Variants in GNB1L observed in about 807,000 individuals in gnomAD.
GNB1L encodes the protein G protein subunit beta 1 like, also known as guanine nucleotide-binding protein subunit beta-like protein 1.
In GNB1L, 20 loss-of-function variants were observed where a neutral mutation model predicts 29.1. The ratio of observed to expected loss-of-function variants is 0.69; its 90% CI spans 0.48 to 1.00. GNB1L has a LOEUF of 1.00. Among genes scored for constraint, GNB1L ranks in the 50% least tolerant of loss-of-function variants. The probability of loss-of-function intolerance (pLI) is 0.00; values close to 1 mark genes in which losing one functional copy is unlikely to be tolerated. For synonymous variants in GNB1L, 193 were observed against 206.5 expected, an observed-to-expected ratio of 0.93 and a Z score of 0.56; for missense variants, 421 against 464.9, an observed-to-expected ratio of 0.91 and a Z score of 0.87.
chr22:19,790,600 C>T (rs1435532602), intron 7 of GNB1L, among the ~76,000 whole-genome samples: 1 of 152,104 alleles, frequency 6.6e-6, no homozygotes, highest in East Asian at 1.9e-4. Flanking sequence ...TTGCTTGAGG[C>T]TGGGAGTTTG....
chr22:19,791,640 T>C (rs910289331), intron 7 of GNB1L, among the ~76,000 whole-genome samples: 3 of 152,142 alleles, frequency 2.0e-5, no homozygotes, highest in Non-Finnish European at 4.4e-5. Flanking sequence ...ATGAGTCTTG[T>C]GTGAGGGCTG....
rs139741010 is a variant in GNB1L at position 19,799,749 on chromosome 22, C to A, written c.732+2252G>T. 3.1e-4 allele frequency among the ~76,000 whole-genome samples: 47 copies of A among 152,328 alleles called. 2 individuals are homozygous for A. In the East Asian group the frequency reaches 8.9e-3, roughly 29 times the overall value. On this transcript the variant is annotated intron_variant, in intron 7 of 7. Transcript: ENST00000329517. The stretch of plus-strand genomic sequence containing the variant: ...TGAGGACACCTGTGGGTGCTGAGGA[C>A]CTTCGGTCACCTTGCTTGCTCCCGG...
In GNB1L at chr22:19,796,368, C is replaced by T. The variant is rs544260212; in HGVS notation, c.732+5633G>A. Among the ~76,000 whole-genome samples, 288 of 152,326 alleles carry T rather than the reference C, an allele frequency of 1.9e-3. 1 individual carries two copies. The highest frequency in any genetic ancestry group is 6.3e-3 in the African/African-American group (263 of 41,578). ...AAAGGGCTAAGAATCAGTGGACACA[C>T]GGGCCTGGCGCCCACGTGTGCAGCG... On this transcript the variant is annotated intron_variant, in intron 7 of 7. Coordinates refer to ENST00000329517, the MANE Select transcript of GNB1L (RefSeq NM_053004.3).
intron 2 of GNB1L, among the ~76,000 whole-genome samples, chr22:19,832,952 A>G (rs1937704527): frequency 1.3e-5 from 2 of 152,242 alleles, no homozygotes; most frequent in African/African-American, 4.8e-5. Context: ...CCAAAGCAGC[A>G]TGTCAAAAGC....
rs573607206 is a variant in GNB1L, at chr22:19,788,960, C to T, written c.733G>A (p.Val245Met). 1.1e-4 allele frequency: 183 copies of T among 1,598,118 alleles called. No homozygotes were observed. The South Asian group carries it at 1.6e-3, about 14-fold the overall frequency. Reference protein sequence around the residue: ...WSLDWQQALQVRGTHELTNPG... With the variant: ...WSLDWQQALQMRGTHELTNPG... ...TTGGTGAGTTCATGAGTCCCACGCA[C>T]CTGTGAGAGTTGGGAGAGGTGTTAG... The change falls in exon 8 of 8, where the codon GTG becomes ATG. Residue 245 changes from valine (V) to methionine (M), a missense_variant and splice_region_variant. Coordinates refer to ENST00000329517, the MANE Select transcript of GNB1L (RefSeq NM_053004.3).
At chr22:19,805,353 G>T (rs892636033) in intron 6 of GNB1L, among the ~76,000 whole-genome samples, 2 of 152,240 alleles carry the variant, frequency 1.3e-5, no homozygotes, top group African/African-American at 4.8e-5. Flanking sequence ...GGTGGGCCTT[G>T]CAGGGCATGC....
intron 2 of GNB1L, among the ~76,000 whole-genome samples, chr22:19,845,801 G>C (rs1220221688): frequency 6.6e-6 from 1 of 152,260 alleles, no homozygotes; most frequent in African/African-American, 2.4e-5. Context: ...TGTGAACACT[G>C]CTGGGGCTGG....
rs1937176362 is a variant in GNB1L at position 19,784,717 on chromosome 22, C to G, written c.*3992G>C. 6.6e-6 allele frequency: 1 copy of G among 152,268 alleles called. No individual in the cohort carries two copies. Among genetic ancestry groups the G allele is most frequent in the Non-Finnish European group, 1.5e-5 (1 of 68,072 alleles). The allele number at this position is 152,268 out of a possible 1,614,324, so 9.4% of individuals were successfully genotyped here. ...CCTCACCAGGCAGACGTGCCAGGAC[C>G]CGCGTCCCTGCACACAGCTGCCCAC... On this transcript the variant is annotated 3_prime_UTR_variant, in exon 8 of 8. Coordinates refer to ENST00000329517, the MANE Select transcript of GNB1L (RefSeq NM_053004.3).
intron 4 of GNB1L, among the ~76,000 whole-genome samples, chr22:19,815,388 G>T (rs143474344): frequency 6.6e-6 from 1 of 152,164 alleles, no homozygotes; most frequent in Non-Finnish European, 1.5e-5. Flanking sequence ...GCACAAAGAC[G>T]TGCACAGCCC....
At chr22:19,810,018 C>G (rs1937480822) in intron 5 of GNB1L, among the ~76,000 whole-genome samples, 1 of 152,216 alleles carries the variant, frequency 6.6e-6, no homozygotes, top group Non-Finnish European at 1.5e-5. Context: ...CTTTGGCCTC[C>G]TGAGTAGCTG....
Position 19,788,857 on chromosome 22 carries a change from A to G in GNB1L, c.836T>C (p.Val279Ala), listed in dbSNP as rs867982105. The G allele has an allele frequency of 1.1e-5, 17 of 1,612,854 alleles. No homozygotes were observed. The Middle Eastern group carries it at 2.7e-3, about 252-fold the overall frequency. ...ATAGWDHRIRVFHWRTMQPLA... is the reference protein window; with the variant it reads ...ATAGWDHRIRAFHWRTMQPLA... ...TGGCTGCATCGTCCGCCAGTGGAAC[A>G]CGCGGATGCGGTGGTCCCAGCCTGC... Residue 279 changes from valine to alanine, a missense_variant, in exon 8 of 8, where the codon GTG becomes GCG. Coordinates refer to ENST00000329517, the MANE Select transcript of GNB1L (RefSeq NM_053004.3).
At chr22:19,820,330 G>A (rs1404115433) in intron 4 of GNB1L, among the ~76,000 whole-genome samples, 1 of 152,216 alleles carries the variant, frequency 6.6e-6, no homozygotes, top group Non-Finnish European at 1.5e-5. Flanking sequence ...CAGCCCTGGA[G>A]CTCTGGCCTC....
chr22:19,792,774 G>A (rs375960357), intron 7 of GNB1L: 16 of 1,485,248 alleles, frequency 1.1e-5, no homozygotes, highest in Middle Eastern at 2.3e-4. Flanking sequence ...TGCAGACGAC[G>A]TGGATCCCAT....
intron 6 of GNB1L, 59 bp from the exon 7 acceptor site, chr22:19,802,275 G>C: frequency 3.6e-6 from 5 of 1,381,454 alleles, no homozygotes; most frequent in Middle Eastern, 1.8e-4. Flanking sequence ...GTGAGTTTCG[G>C]GGGAGAAGGG....
chr22:19,843,188 T>G (rs1432091689), intron 2 of GNB1L, among the ~76,000 whole-genome samples: 1 of 152,178 alleles, frequency 6.6e-6, no homozygotes, highest in Non-Finnish European at 1.5e-5. Flanking sequence ...TGTCAACACC[T>G]CCTCAGTAAT....
chr22:19,829,086 C>T lies in GNB1L; in HGVS notation c.-20-7711G>A, dbSNP rs534781109. 2.0e-5 allele frequency among the ~76,000 whole-genome samples: 3 copies of T among 152,326 alleles called. No individual in the cohort carries two copies. The East Asian group carries it at 5.8e-4, about 29-fold the overall frequency. ...ACCTCAGGTGATCTGCCCATCTTGG[C>T]CTCCCAAAGTGCTGGGATTACAGGC... On this transcript the variant is annotated intron_variant, in intron 2 of 7. Coordinates refer to ENST00000329517, the MANE Select transcript of GNB1L (RefSeq NM_053004.3).
At chr22:19,826,122 C>T (rs1937618063) in intron 2 of GNB1L, among the ~76,000 whole-genome samples, 1 of 152,232 alleles carries the variant, frequency 6.6e-6, no homozygotes, top group Non-Finnish European at 1.5e-5. Context: ...ATTTCCAGCT[C>T]TGATGGCCTC....
At chr22:19,793,623 A>C (rs1937275493) in intron 7 of GNB1L, among the ~76,000 whole-genome samples, 4 of 152,220 alleles carry the variant, frequency 2.6e-5, no homozygotes, top group Admixed American at 1.3e-4. Flanking sequence ...GGCACATGAT[A>C]GTCAAACTAC....
intron 2 of GNB1L, among the ~76,000 whole-genome samples, chr22:19,821,799 C>T (rs547795564): frequency 6.6e-6 from 1 of 152,198 alleles, no homozygotes; most frequent in Admixed American, 6.5e-5. Flanking sequence ...CTGGCTGTGC[C>T]CTCTGGCTCC....
Sources: gnomAD v4.1 joint callset for allele counts (sites outside exome capture counted in the v4.1 genomes callset) on GRCh38, gnomAD v4.1.1 for gene constraint, MANE v1.5 for transcripts, NCBI Gene and HGNC (gene_info 2026-07-23, HGNC 2026-07-21) for gene names.